Variants in PRKG1 observed in about 807,000 individuals in gnomAD.
The protein encoded by PRKG1 is protein kinase cGMP-dependent 1, also known as cGMP-dependent protein kinase 1.
Under a neutral mutation model 88.1 loss-of-function variants are expected in PRKG1, and 35 were observed. The observed-to-expected ratio is 0.40, with a 90% confidence interval of 0.30 to 0.53. The LOEUF (loss-of-function observed/expected upper bound fraction) is 0.53, where lower values mean the gene tolerates loss of function less well. Ranked by LOEUF, PRKG1 falls within the 20% of genes least tolerant of loss-of-function variation. The pLI is 0.59. For missense variants in PRKG1, 540 were observed against 839.8 expected (o/e 0.64, Z 4.41); for synonymous variants, 303 against 292.5 (o/e 1.04, Z -0.37).
rs952493112 is a variant in PRKG1 at position 51,052,643 on chromosome 10, C to G, written c.266+60999C>G. ...TTTCGTGTAAAGAATTAATAACCAC[C>G]CCAATGGTAGAGAATACATGGCTGG... On this transcript the variant is annotated intron_variant, in intron 1 of 17. Coordinates refer to the PRKG1 transcript ENST00000401604. 5.3e-5 allele frequency among the ~76,000 whole-genome samples: 8 copies of G among 152,174 alleles called. No homozygotes were observed. The East Asian group carries it at 1.4e-3, about 26-fold the overall frequency.
At chr10:51,157,197 G>A (rs1166361081) in intron 2 of PRKG1, among the ~76,000 whole-genome samples, 1 of 151,872 alleles carries the variant, frequency 6.6e-6, no homozygotes, top group Non-Finnish European at 1.5e-5. Context: ...TCTGGGTGTA[G>A]TATGCAGACA....
chr10:51,256,674 C>G (rs181545087), intron 2 of PRKG1, among the ~76,000 whole-genome samples: 2 of 151,842 alleles, frequency 1.3e-5, no homozygotes, highest in African/African-American at 2.4e-5. Context: ...AGACACAGAT[C>G]CAATCCAGGA....
At chr10:51,069,248 T>A (rs1007597416) in intron 1 of PRKG1, among the ~76,000 whole-genome samples, 3 of 151,980 alleles carry the variant, frequency 2.0e-5, no homozygotes, top group African/African-American at 4.8e-5. Flanking sequence ...TGGTTTATTA[T>A]TTTTTTCTTT....
At chr10:51,775,378 T>C (rs1341789904) in intron 3 of PRKG1, among the ~76,000 whole-genome samples, 1 of 152,120 alleles carries the variant, frequency 6.6e-6, no homozygotes, top group Non-Finnish European at 1.5e-5. Flanking sequence ...TTAGCTTACT[T>C]ATATTAATAT....
chr10:51,217,297 C>T (rs1256533409), intron 2 of PRKG1, among the ~76,000 whole-genome samples: 1 of 152,132 alleles, frequency 6.6e-6, no homozygotes, highest in Non-Finnish European at 1.5e-5. Flanking sequence ...TAAAATTATA[C>T]ATATCTTCAC....
intron 1 of PRKG1, among the ~76,000 whole-genome samples, chr10:51,014,769 T>G (rs1433206801): frequency 1.3e-5 from 2 of 152,206 alleles, no homozygotes; most frequent in Admixed American, 6.5e-5. Flanking sequence ...GTCAATTAAA[T>G]TTTTTAAAGA....
At chr10:51,520,461 G>T (rs139376174) in intron 3 of PRKG1, among the ~76,000 whole-genome samples, 2 of 151,790 alleles carry the variant, frequency 1.3e-5, no homozygotes, top group South Asian at 2.1e-4. Flanking sequence ...CAATCACTAC[G>T]CCAGTCTGTA....
intron 3 of PRKG1, among the ~76,000 whole-genome samples, chr10:51,801,743 C>G (rs949003550): frequency 1.3e-5 from 2 of 152,050 alleles, no homozygotes; most frequent in Non-Finnish European, 2.9e-5. Context: ...TTGGTGTCCC[C>G]TAAATGAAGG....
intron 9 of PRKG1, among the ~76,000 whole-genome samples, chr10:52,214,196 T>C (rs1840054480): frequency 6.6e-6 from 1 of 151,994 alleles, no homozygotes; most frequent in South Asian, 2.1e-4. Flanking sequence ...AGTATCCAAC[T>C]TGCTGACACC....
chr10:51,402,355 A>G (rs1025907241), intron 2 of PRKG1, among the ~76,000 whole-genome samples: 4 of 152,200 alleles, frequency 2.6e-5, no homozygotes, highest in African/African-American at 9.7e-5. Flanking sequence ...AGACCCACCA[A>G]TTATATAAAG....
intron 5 of PRKG1, among the ~76,000 whole-genome samples, chr10:51,960,811 C>T (rs1369114324): frequency 6.6e-6 from 1 of 152,198 alleles, no homozygotes; most frequent in Non-Finnish European, 1.5e-5. Flanking sequence ...TGATATCCGA[C>T]TTCCCCAGTT....
At chr10:51,440,741 C>T (rs1278209060) in intron 2 of PRKG1, among the ~76,000 whole-genome samples, 2 of 151,988 alleles carry the variant, frequency 1.3e-5, no homozygotes, top group African/African-American at 2.4e-5. Context: ...CCAATGCTTC[C>T]GCCATGGTGA....
intron 4 of PRKG1, among the ~76,000 whole-genome samples, chr10:51,865,254 A>G (rs1840984658): frequency 6.6e-6 from 1 of 152,158 alleles, no homozygotes; most frequent in Non-Finnish European, 1.5e-5. Flanking sequence ...GTTCAATTAC[A>G]TAAATGCTTA....
intron 3 of PRKG1, among the ~76,000 whole-genome samples, chr10:51,559,097 A>T (rs773075945): frequency 2.0e-5 from 3 of 152,110 alleles, no homozygotes; most frequent in Admixed American, 6.6e-5. Flanking sequence ...TTTATAAATT[A>T]AACTATCACA....
intron 4 of PRKG1, among the ~76,000 whole-genome samples, chr10:51,877,469 A>C (rs1841327397): frequency 2.6e-5 from 4 of 152,244 alleles, no homozygotes; most frequent in Admixed American, 2.0e-4. Flanking sequence ...TTTGTTGAGC[A>C]GCATTTTTCT....
chr10:51,917,601 T>C (rs1842370967), intron 5 of PRKG1, among the ~76,000 whole-genome samples: 1 of 152,160 alleles, frequency 6.6e-6, no homozygotes. Context: ...AATATCCTGA[T>C]GGCAAAGTAT....
At chr10:51,934,389 G>A (rs1306733459) in intron 5 of PRKG1, among the ~76,000 whole-genome samples, 1 of 151,912 alleles carries the variant, frequency 6.6e-6, no homozygotes, top group Non-Finnish European at 1.5e-5. Context: ...ATTCTATTAG[G>A]GAAATTTGTT....
intron 1 of PRKG1, among the ~76,000 whole-genome samples, chr10:51,009,840 A>C (rs1479233392): frequency 6.6e-6 from 1 of 152,186 alleles, no homozygotes; most frequent in Non-Finnish European, 1.5e-5. Flanking sequence ...TTGGAAAGAA[A>C]ATCTGCCAGA....
chr10:51,161,549 T>C (rs9415747), intron 2 of PRKG1, among the ~76,000 whole-genome samples: 10,153 of 152,192 alleles, frequency 0.067, 699 homozygotes, highest in African/African-American at 0.17. Flanking sequence ...TTTTGGAAGC[T>C]TCCTGAAAGC....
Sources: gnomAD v4.1 joint callset for allele counts (sites outside exome capture counted in the v4.1 genomes callset) on GRCh38, gnomAD v4.1.1 for gene constraint, MANE v1.5 for transcripts, NCBI Gene and HGNC (gene_info 2026-07-23, HGNC 2026-07-21) for gene names.